MRTFB: variants seen among roughly 807,000 people sequenced by gnomAD.
The protein encoded by MRTFB is myocardin-related transcription factor B.
A neutral mutation model predicts 104.2 loss-of-function variants in MRTFB; 29 were observed. That is an observed-to-expected ratio of 0.28 (90% CI 0.21 to 0.38). The LOEUF (loss-of-function observed/expected upper bound fraction) is 0.38. Among genes scored for constraint, MRTFB ranks in the 10% least tolerant of loss-of-function variants. The pLI, the probability that MRTFB is intolerant of heterozygous loss-of-function variation, is 1.00. For synonymous variants in MRTFB, 535 were observed against 519.5 expected (o/e 1.03, Z -0.41); for missense variants, 1,270 against 1,341.6 (o/e 0.95, Z 0.83).
chr16:14,090,326 A>C (rs1003767568), intron 2 of MRTFB, among the ~76,000 whole-genome samples: 1 of 152,250 alleles, frequency 6.6e-6, no homozygotes, highest in East Asian at 1.9e-4. Context: ...AGCTCATTCA[A>C]TGTGAGAAAA....
At chr16:14,166,694 T>G (rs1002282714) in intron 3 of MRTFB, among the ~76,000 whole-genome samples, 3 of 151,844 alleles carry the variant, frequency 2.0e-5, no homozygotes, top group African/African-American at 7.3e-5. Flanking sequence ...CAGTGTGTGT[T>G]GTTCCCCTCC....
chr16:14,229,554 G>A (rs1437930358), intron 8 of MRTFB, among the ~76,000 whole-genome samples: 2 of 152,200 alleles, frequency 1.3e-5, no homozygotes, highest in Non-Finnish European at 2.9e-5. Context: ...GGAACAGTCC[G>A]GAAGCAATGA....
chr16:14,077,889 C>T (rs972348718), intron 1 of MRTFB, among the ~76,000 whole-genome samples: 1 of 152,106 alleles, frequency 6.6e-6, no homozygotes, highest in African/African-American at 2.4e-5. Flanking sequence ...ACATTAGAAT[C>T]CAAGTTAAAA....
chr16:14,025,472 A>G, the MRTFB span, among the ~76,000 whole-genome samples: 49 of 152,342 alleles, frequency 3.2e-4, no homozygotes, highest in Non-Finnish European at 5.3e-4. Context: ...CAAGGTGCCC[A>G]CACCTGGTAA....
upstream of MRTFB, among the ~76,000 whole-genome samples, chr16:14,069,609 A>T (rs2033578084): frequency 6.6e-6 from 1 of 152,156 alleles, no homozygotes; most frequent in Non-Finnish European, 1.5e-5. Flanking sequence ...ATCAGCCTCC[A>T]GAGTAACTGG....
At chr16:14,230,218 A>G (rs2042194653) in intron 8 of MRTFB, among the ~76,000 whole-genome samples, 1 of 152,218 alleles carries the variant, frequency 6.6e-6, no homozygotes, top group South Asian at 2.1e-4. Flanking sequence ...GAACATAGGC[A>G]TGGGCGAGGA....
At chr16:14,043,201 C>T in the MRTFB span, among the ~76,000 whole-genome samples, 1 of 152,164 alleles carries the variant, frequency 6.6e-6, no homozygotes, top group Non-Finnish European at 1.5e-5. Context: ...TTGCTGTCTA[C>T]ATCTTATGTC....
At chr16:13,999,827 G>C in the MRTFB span, among the ~76,000 whole-genome samples, 1 of 152,202 alleles carries the variant, frequency 6.6e-6, no homozygotes, top group Non-Finnish European at 1.5e-5. Context: ...GCCAATGTAA[G>C]TGGGGTTTCC....
chr16:14,118,724 C>CATAT (rs143381749), intron 2 of MRTFB, among the ~76,000 whole-genome samples: 4 of 150,562 alleles, frequency 2.7e-5, no homozygotes, highest in South Asian at 2.1e-4. Flanking sequence ...TAAGTATTTA[C>CATAT]ATATATATAT....
intron 15 of MRTFB, among the ~76,000 whole-genome samples, chr16:14,253,061 C>T (rs148007133): frequency 2.6e-5 from 4 of 152,168 alleles, no homozygotes; most frequent in African/African-American, 9.7e-5. Flanking sequence ...CACATGGTGA[C>T]CATGTGGCCT....
At chr16:14,120,360 G>A (rs985075624) in intron 2 of MRTFB, among the ~76,000 whole-genome samples, 6 of 151,962 alleles carry the variant, frequency 3.9e-5, no homozygotes, top group East Asian at 3.9e-4. Context: ...TAATCCCTCC[G>A]TTCTCTAAGT....
chr16:14,140,320 C>G (rs2037929591), intron 2 of MRTFB, among the ~76,000 whole-genome samples: 1 of 152,098 alleles, frequency 6.6e-6, no homozygotes, highest in Non-Finnish European at 1.5e-5. Flanking sequence ...AAAAAATATA[C>G]AAAATATATT....
intron 15 of MRTFB, among the ~76,000 whole-genome samples, chr16:14,253,011 A>C (rs1240762106): frequency 6.6e-6 from 1 of 152,176 alleles, no homozygotes; most frequent in East Asian, 1.9e-4. Flanking sequence ...GAGCAAATGC[A>C]CTTGGAGGTA....
the MRTFB span, among the ~76,000 whole-genome samples, chr16:14,041,886 A>G: frequency 1.3e-5 from 2 of 152,098 alleles, no homozygotes; most frequent in African/African-American, 4.8e-5. Flanking sequence ...AGATTGCGCC[A>G]TTGCACTCGA....
chr16:14,183,989 T>C (rs1597180453), intron 3 of MRTFB, among the ~76,000 whole-genome samples: 1 of 150,842 alleles, frequency 6.6e-6, no homozygotes, highest in African/African-American at 2.4e-5. Flanking sequence ...GCTGGTGTAG[T>C]TGTGCATCTA....
chr16:14,183,038 C>T (rs1420303476), intron 3 of MRTFB, among the ~76,000 whole-genome samples: 2 of 152,108 alleles, frequency 1.3e-5, no homozygotes, highest in Non-Finnish European at 2.9e-5. Context: ...ATGGATTGTT[C>T]TCAAAGCACC....
intron 3 of MRTFB, among the ~76,000 whole-genome samples, chr16:14,194,927 G>C (rs564909350): frequency 5.9e-5 from 9 of 152,072 alleles, no homozygotes; most frequent in Non-Finnish European, 8.8e-5. Flanking sequence ...TTAAAGCTCC[G>C]TTTGACGCAC....
At chr16:14,069,265 C>A (rs994086022), upstream of MRTFB, among the ~76,000 whole-genome samples, 2 of 152,124 alleles carry the variant, frequency 1.3e-5, no homozygotes, top group African/African-American at 4.8e-5. Context: ...GCCACTGCGC[C>A]CAGCCCAGGT....
At chr16:14,223,744 T>C (rs1482989972) in intron 8 of MRTFB, among the ~76,000 whole-genome samples, 1 of 152,186 alleles carries the variant, frequency 6.6e-6, no homozygotes, top group Non-Finnish European at 1.5e-5. Flanking sequence ...AAGCGATCAA[T>C]GTATTCACTA....
Sources: gnomAD v4.1 joint callset for allele counts (sites outside exome capture counted in the v4.1 genomes callset) on GRCh38, gnomAD v4.1.1 for gene constraint, MANE v1.5 for transcripts, NCBI Gene and HGNC (gene_info 2026-07-23, HGNC 2026-07-21) for gene names.